Variants in TNFSF4 observed in about 807,000 individuals in gnomAD.
TNFSF4 encodes the protein tumor necrosis factor ligand superfamily member 4.
Under a neutral mutation model 7.3 loss-of-function variants are expected in TNFSF4, and 4 were observed. The observed-to-expected ratio is 0.55, with a 90% confidence interval of 0.27 to 1.25. The LOEUF (loss-of-function observed/expected upper bound fraction) is 1.25. Ranked by LOEUF, TNFSF4 falls within the 50% of genes most tolerant of loss-of-function variation. The pLI, the probability that TNFSF4 is intolerant of heterozygous loss-of-function variation, is 0.12. For missense variants in TNFSF4, 181 were observed against 208.8 expected (o/e 0.87, Z 0.82); for synonymous variants, 76 against 83.7 (o/e 0.91, Z 0.50).
the TNFSF4 span, among the ~76,000 whole-genome samples, chr1:173,330,824 C>T: frequency 4.4e-4 from 67 of 151,788 alleles, 1 homozygote; most frequent in East Asian, 8.3e-3. Context: ...GCAAATTTTA[C>T]TTCTTTACCT....
the TNFSF4 span, among the ~76,000 whole-genome samples, chr1:173,420,844 A>G: frequency 6.6e-6 from 1 of 152,240 alleles, no homozygotes. Flanking sequence ...GATCTTGATC[A>G]TAATTTACCT....
the TNFSF4 span, among the ~76,000 whole-genome samples, chr1:173,444,186 C>A: frequency 6.6e-6 from 1 of 152,100 alleles, no homozygotes; most frequent in Non-Finnish European, 1.5e-5. Context: ...CCACTCCACC[C>A]GACCCCTTTC....
chr1:173,308,564 T>A, the TNFSF4 span, among the ~76,000 whole-genome samples: 2 of 152,068 alleles, frequency 1.3e-5, no homozygotes, highest in South Asian at 4.1e-4. Flanking sequence ...TTGATTTTTA[T>A]ATTGACCTAT....
chr1:173,409,983 A>G, the TNFSF4 span, among the ~76,000 whole-genome samples: 4 of 152,162 alleles, frequency 2.6e-5, no homozygotes, highest in Non-Finnish European at 5.9e-5. Context: ...TTTTTTAAAA[A>G]ACCAGGTGCA....
upstream of TNFSF4, among the ~76,000 whole-genome samples, chr1:173,208,849 C>CAA (rs572693565): frequency 2.3e-5 from 2 of 85,154 alleles, no homozygotes; most frequent in African/African-American, 8.4e-5. Flanking sequence ...AGAGTCACAG[C>CAA]AAAAAAAAAA....
At chr1:173,293,433 C>T in the TNFSF4 span, among the ~76,000 whole-genome samples, 2 of 151,972 alleles carry the variant, frequency 1.3e-5, no homozygotes, top group South Asian at 2.1e-4. Flanking sequence ...AGATTGAAAC[C>T]GGACCCCTAC....
chr1:173,290,043 A>T, the TNFSF4 span, among the ~76,000 whole-genome samples: 5 of 152,126 alleles, frequency 3.3e-5, no homozygotes, highest in Non-Finnish European at 7.3e-5. Flanking sequence ...GATGAACCAC[A>T]AGCAGAATAA....
At chr1:173,405,791 T>C in the TNFSF4 span, among the ~76,000 whole-genome samples, 23 of 152,350 alleles carry the variant, frequency 1.5e-4, no homozygotes, top group African/African-American at 5.3e-4. Flanking sequence ...ACATTGTACC[T>C]CATTGATAAA....
intron 1 of TNFSF4, among the ~76,000 whole-genome samples, chr1:173,197,119 T>G (rs1310525442): frequency 3.9e-5 from 6 of 152,112 alleles, no homozygotes; most frequent in Non-Finnish European, 7.4e-5. Context: ...TTGCTCAAGG[T>G]TTTAGAAATT....
At chr1:173,177,486 T>C in the TNFSF4 span, among the ~76,000 whole-genome samples, 1 of 152,150 alleles carries the variant, frequency 6.6e-6, no homozygotes, top group African/African-American at 2.4e-5. Flanking sequence ...AAGCTACCTA[T>C]CGGGTTCTTA....
Position 173,185,415 on chromosome 1 carries a change from A to G in TNFSF4, c.*1101T>C, listed in dbSNP as rs776206313. On this transcript the variant is annotated 3_prime_UTR_variant, in exon 3 of 3. Transcript: ENST00000281834. ...TAGACCCTTCTAGTTTCAATTATCA[A>G]TGTGAGACTATATATGGTCTATGGT... 2 of 152,270 alleles carry G rather than the reference A, an allele frequency of 1.3e-5. No individual in the cohort carries two copies. Among genetic ancestry groups the G allele is most frequent in the South Asian group, 4.2e-4 (2 of 4,814 alleles). The allele number at this position is 152,270 out of a possible 1,614,324, so 9.4% of individuals were successfully genotyped here.
the TNFSF4 span, among the ~76,000 whole-genome samples, chr1:173,446,599 AC>A: frequency 3.3e-5 from 5 of 151,760 alleles, no homozygotes; most frequent in African/African-American, 7.3e-5. Context: ...GGAGAGGCAG[AC>A]CCCCCCTCAA....
the TNFSF4 span, among the ~76,000 whole-genome samples, chr1:173,299,709 T>C: frequency 6.6e-6 from 1 of 151,918 alleles, no homozygotes; most frequent in Non-Finnish European, 1.5e-5. Context: ...GAGTTATTTT[T>C]GCAAACAATC....
the TNFSF4 span, among the ~76,000 whole-genome samples, chr1:173,376,058 T>A: frequency 1.3e-5 from 2 of 152,094 alleles, no homozygotes; most frequent in Non-Finnish European, 2.9e-5. Flanking sequence ...CCTCAATGAG[T>A]GCTTTCCTAT....
chr1:173,298,225 C>G, the TNFSF4 span, among the ~76,000 whole-genome samples: 12 of 151,766 alleles, frequency 7.9e-5, no homozygotes, highest in African/African-American at 2.2e-4. Flanking sequence ...GGTGACAGAT[C>G]CTATATTATA....
the TNFSF4 span, among the ~76,000 whole-genome samples, chr1:173,257,483 C>A: frequency 6.6e-6 from 1 of 152,226 alleles, no homozygotes; most frequent in African/African-American, 2.4e-5. Context: ...AGGTCCCCAG[C>A]CCACCCTCAC....
At chr1:173,277,116 C>T in the TNFSF4 span, among the ~76,000 whole-genome samples, 3 of 152,126 alleles carry the variant, frequency 2.0e-5, no homozygotes, top group Non-Finnish European at 4.4e-5. Context: ...GGGTGAAACT[C>T]TGCCAGTAGT....
chr1:173,330,163 A>G, the TNFSF4 span, among the ~76,000 whole-genome samples: 26 of 152,328 alleles, frequency 1.7e-4, no homozygotes, highest in Middle Eastern at 6.8e-3. Flanking sequence ...TTTGTTGGCC[A>G]GAAATGTTCA....
the TNFSF4 span, among the ~76,000 whole-genome samples, chr1:173,300,971 G>A: frequency 4.0e-5 from 6 of 151,846 alleles, no homozygotes; most frequent in African/African-American, 1.2e-4. Flanking sequence ...CGTAATTTAC[G>A]TGAACGAATG....
Sources: gnomAD v4.1 joint callset for allele counts (sites outside exome capture counted in the v4.1 genomes callset) on GRCh38, gnomAD v4.1.1 for gene constraint, MANE v1.5 for transcripts, NCBI Gene and HGNC (gene_info 2026-07-23, HGNC 2026-07-21) for gene names.